SOX5: variants seen among roughly 807,000 people sequenced by gnomAD.
SOX5 encodes transcription factor SOX-5.
A neutral mutation model predicts 92.0 loss-of-function variants in SOX5; 9 were observed. The ratio of observed to expected loss-of-function variants is 0.10; its 90% CI spans 0.06 to 0.17. The LOEUF is 0.17. Among genes scored for constraint, SOX5 ranks in the 10% least tolerant of loss-of-function variants. The probability of loss-of-function intolerance (pLI) is 1.00; values close to 1 mark genes in which losing one functional copy is unlikely to be tolerated. For synonymous variants in SOX5, 344 were observed against 336.3 expected (o/e 1.02, Z -0.25); for missense variants, 642 against 944.5 (o/e 0.68, Z 4.20).
chr12:24,442,317 G>C (rs948809626), intron 1 of SOX5, among the ~76,000 whole-genome samples: 1 of 152,116 alleles, frequency 6.6e-6, no homozygotes, highest in African/African-American at 2.4e-5. Flanking sequence ...CATTTGTTTA[G>C]TTTCAGGCAT....
chr12:23,973,034 T>A (rs1284718103), intron 4 of SOX5, among the ~76,000 whole-genome samples: 1 of 152,194 alleles, frequency 6.6e-6, no homozygotes, highest in Middle Eastern at 3.2e-3. Context: ...AGATTGACTT[T>A]TTTAGATTTC....
At chr12:24,024,549 C>T (rs1954664887) in intron 4 of SOX5, among the ~76,000 whole-genome samples, 1 of 151,974 alleles carries the variant, frequency 6.6e-6, no homozygotes, top group African/African-American at 2.4e-5. Context: ...TACGGGAATT[C>T]TTAGGCATTT....
At position 23,940,630 on chromosome 12, in the gene SOX5, T is replaced by C. The variant is rs184420299; in HGVS notation, c.38+8934A>G. ...AACTAGAACTTGAGATCTTAACATC[T>C]AGCTAATAGCGCTTTGTACTATGTT... is the stretch of plus-strand genomic sequence containing the variant. On this transcript the variant is annotated intron_variant, in intron 1 of 14. Transcript: ENST00000451604. 7.3e-5 allele frequency among the ~76,000 whole-genome samples: 11 copies of C among 151,330 alleles called. 1 individual carries two copies. The South Asian group carries it at 2.1e-3, about 29-fold the overall frequency.
intron 3 of SOX5, among the ~76,000 whole-genome samples, chr12:23,782,489 G>A (rs2141800423): frequency 6.6e-6 from 1 of 152,224 alleles, no homozygotes; most frequent in South Asian, 2.1e-4. Context: ...AAAGTTCCAA[G>A]TATCTAAAAC....
chr12:24,263,333 C>T (rs900644501), intron 3 of SOX5, among the ~76,000 whole-genome samples: 17 of 151,906 alleles, frequency 1.1e-4, no homozygotes, highest in African/African-American at 3.4e-4. Context: ...CGAGACCATC[C>T]TGGCTAACAC....
chr12:24,006,091 C>A (rs1952128762), intron 4 of SOX5, among the ~76,000 whole-genome samples: 1 of 152,050 alleles, frequency 6.6e-6, no homozygotes, highest in African/African-American at 2.4e-5. Context: ...TTGTAATAAT[C>A]TACAATGGGA....
At chr12:23,567,037 C>T (rs1046146539) in intron 10 of SOX5, among the ~76,000 whole-genome samples, 35 of 152,326 alleles carry the variant, frequency 2.3e-4, no homozygotes, top group African/African-American at 8.4e-4. Context: ...AGACTCCTTT[C>T]TTTACTCTTT....
intron 3 of SOX5, among the ~76,000 whole-genome samples, chr12:24,248,494 C>T (rs1328643493): frequency 1.3e-5 from 2 of 152,172 alleles, no homozygotes; most frequent in Non-Finnish European, 2.9e-5. Context: ...AAGTGATTCT[C>T]CTGCCTCAGC....
intron 3 of SOX5, among the ~76,000 whole-genome samples, chr12:24,240,424 C>T (rs968817231): frequency 7.9e-5 from 12 of 152,232 alleles, no homozygotes; most frequent in African/African-American, 2.6e-4. Flanking sequence ...ACTACTTTTC[C>T]GTACAAAGAT....
intron 10 of SOX5, among the ~76,000 whole-genome samples, chr12:23,569,707 T>C (rs1339964673): frequency 6.6e-6 from 1 of 152,262 alleles, no homozygotes; most frequent in African/African-American, 2.4e-5. Context: ...TTTTTCTCTT[T>C]CGCTGAAAGG....
intron 9 of SOX5, among the ~76,000 whole-genome samples, chr12:23,597,974 G>T (rs1051523553): frequency 1.3e-4 from 20 of 152,266 alleles, no homozygotes; most frequent in African/African-American, 4.8e-4. Context: ...AAAAGTACCA[G>T]GCCCAACAGT....
intron 4 of SOX5, among the ~76,000 whole-genome samples, chr12:24,082,404 GAAAAA>G (rs58736325): frequency 3.4e-4 from 25 of 73,446 alleles, no homozygotes; most frequent in African/African-American, 9.9e-4. Flanking sequence ...CTTTCGAAAA[GAAAAA>G]AAAAAAAAAA....
intron 1 of SOX5, among the ~76,000 whole-genome samples, chr12:24,542,841 G>T (rs907143419): frequency 1.3e-5 from 2 of 152,170 alleles, no homozygotes; most frequent in African/African-American, 4.8e-5. Flanking sequence ...TCTGCACTTA[G>T]ATTGCTTGCC....
At position 24,479,681 on chromosome 12, in the gene SOX5, G is replaced by C. The variant is rs184626856; in HGVS notation, c.-251+82648C>G. On this transcript the variant is annotated intron_variant, in intron 1 of 4. Transcript: ENST00000446891. ...TATTTATTCATTTTTTTTTTGGTGT[G>C]GGGGGACAGAGTCTCACTCTGTCGT... 6.6e-5 allele frequency among the ~76,000 whole-genome samples: 10 copies of C among 150,490 alleles called. No individual in the cohort carries two copies. In the South Asian group the frequency reaches 1.9e-3, roughly 28 times the overall value.
At chr12:24,138,646 G>T (rs972635428) in intron 4 of SOX5, among the ~76,000 whole-genome samples, 1 of 152,144 alleles carries the variant, frequency 6.6e-6, no homozygotes, top group Non-Finnish European at 1.5e-5. Flanking sequence ...GAAAATACAC[G>T]TTTTTCATTT....
At chr12:24,394,935 T>C (rs1345934486) in intron 1 of SOX5, among the ~76,000 whole-genome samples, 1 of 152,190 alleles carries the variant, frequency 6.6e-6, no homozygotes, top group African/African-American at 2.4e-5. Context: ...CACTACATGG[T>C]AGGCTTCAAG....
At chr12:23,661,311 T>C (rs761652792) in intron 7 of SOX5, among the ~76,000 whole-genome samples, 7 of 152,116 alleles carry the variant, frequency 4.6e-5, no homozygotes, top group Non-Finnish European at 1.0e-4. Context: ...AATAAAACAA[T>C]CATCTCTAAT....
chr12:24,435,626 T>C (rs1008963961), intron 1 of SOX5, among the ~76,000 whole-genome samples: 3 of 152,254 alleles, frequency 2.0e-5, no homozygotes, highest in Admixed American at 2.0e-4. Context: ...AAAGAAGTTA[T>C]TTTGTCATAA....
intron 8 of SOX5, among the ~76,000 whole-genome samples, chr12:23,615,764 A>G (rs554977243): frequency 6.6e-6 from 1 of 152,324 alleles, no homozygotes; most frequent in Admixed American, 6.5e-5. Context: ...GTATATGCCC[A>G]ATAATGGGAT....
Sources: gnomAD v4.1 joint callset for allele counts (sites outside exome capture counted in the v4.1 genomes callset) on GRCh38, gnomAD v4.1.1 for gene constraint, MANE v1.5 for transcripts, NCBI Gene and HGNC (gene_info 2026-07-23, HGNC 2026-07-21) for gene names.